NRP1: variants seen among roughly 807,000 people sequenced by gnomAD.
The protein encoded by NRP1 is neuropilin 1.
A neutral mutation model predicts 106.7 loss-of-function variants in NRP1; 35 were observed. The ratio of observed to expected loss-of-function variants is 0.33; its 90% CI spans 0.25 to 0.43. The LOEUF is 0.43. Among genes scored for constraint, NRP1 ranks in the 20% least tolerant of loss-of-function variants. The pLI is 1.00. For synonymous variants in NRP1, 437 were observed against 417.9 expected, an observed-to-expected ratio of 1.05 and a Z score of -0.56; for missense variants, 1,024 against 1,170.4, an observed-to-expected ratio of 0.87 and a Z score of 1.83.
intron 8 of NRP1, among the ~76,000 whole-genome samples, chr10:33,216,389 C>T (rs1357698908): frequency 1.3e-5 from 2 of 152,092 alleles, no homozygotes; most frequent in East Asian, 1.9e-4. Flanking sequence ...CTGCCTCGGC[C>T]TCCCAAAGTG....
intron 2 of NRP1, among the ~76,000 whole-genome samples, chr10:33,305,926 G>A (rs1040182476): frequency 4.6e-5 from 7 of 151,702 alleles, no homozygotes; most frequent in African/African-American, 1.5e-4. Context: ...ATACCACCAC[G>A]CCCGGCTAAT....
At chr10:33,208,880 T>C (rs1588726346) in intron 9 of NRP1, among the ~76,000 whole-genome samples, 2 of 149,480 alleles carry the variant, frequency 1.3e-5, no homozygotes, top group East Asian at 2.0e-4. Context: ...ACTGATAAAA[T>C]GGTCCATTTT....
intron 2 of NRP1, 64 bp downstream of exon 2, chr10:33,330,644 C>G (rs1392502338): frequency 1.4e-6 from 2 of 1,428,574 alleles, no homozygotes; most frequent in East Asian, 2.4e-5. Flanking sequence ...CGACTTCCCC[C>G]CCGTAGACAG....
chr10:33,268,229 C>A (rs958563669), intron 3 of NRP1, among the ~76,000 whole-genome samples: 2 of 152,032 alleles, frequency 1.3e-5, no homozygotes, highest in Non-Finnish European at 2.9e-5. Flanking sequence ...TTGAGCAGGA[C>A]CTCAATCTTG....
intron 5 of NRP1, among the ~76,000 whole-genome samples, chr10:33,255,074 T>C (rs1361895636): frequency 3.9e-5 from 6 of 152,158 alleles, no homozygotes; most frequent in African/African-American, 1.4e-4. Flanking sequence ...AAAAAAGCTT[T>C]AGAGATTAAA....
chr10:33,221,614 G>T, intron 8 of NRP1, 105 bp downstream of exon 8: 1 of 1,214,716 alleles, frequency 8.2e-7, no homozygotes, highest in Non-Finnish European at 1.2e-6. Context: ...AAATAAAAAT[G>T]ATTGCATTTA....
intron 6 of NRP1, among the ~76,000 whole-genome samples, chr10:33,246,091 CT>C (rs978056691): frequency 1.3e-5 from 2 of 149,822 alleles, no homozygotes; most frequent in African/African-American, 4.9e-5. Flanking sequence ...AATTAGTCAA[CT>C]TGACCAAAAT....
intron 12 of NRP1, 61 bp downstream of exon 12, chr10:33,197,589 C>G: frequency 1.5e-6 from 2 of 1,333,026 alleles, no homozygotes; most frequent in Non-Finnish European, 2.1e-6. Context: ...AAGCGAGGAG[C>G]GCAGCCGCGG....
intron 6 of NRP1, among the ~76,000 whole-genome samples, chr10:33,249,780 TC>T (rs1482328736): frequency 6.6e-6 from 1 of 152,182 alleles, no homozygotes; most frequent in Non-Finnish European, 1.5e-5. Flanking sequence ...CATTGGGACT[TC>T]CTTCACGCTC....
intron 1 of NRP1, among the ~76,000 whole-genome samples, chr10:33,331,123 C>CCCG (rs1848256050): frequency 6.6e-6 from 1 of 152,110 alleles, no homozygotes; most frequent in Non-Finnish European, 1.5e-5. Context: ...TCCCCCCAGC[C>CCCG]CCGAAGTTTC....
chr10:33,316,097 G>A (rs1011959541), intron 2 of NRP1, among the ~76,000 whole-genome samples: 14 of 152,176 alleles, frequency 9.2e-5, no homozygotes, highest in Non-Finnish European at 2.1e-4. Flanking sequence ...CCGAGGCAGG[G>A]AGGAAACGGG....
At chr10:33,321,631 G>A (rs945315835) in intron 2 of NRP1, among the ~76,000 whole-genome samples, 13 of 152,032 alleles carry the variant, frequency 8.6e-5, no homozygotes, top group East Asian at 1.9e-4. Context: ...TTTTGACCCC[G>A]TCTTAATTCT....
chr10:33,197,857 A>G (rs1171179450), intron 11 of NRP1, 148 bp from the exon 12 acceptor site: 1 of 440,594 alleles, frequency 2.3e-6, no homozygotes, highest in Non-Finnish European at 4.0e-6. Context: ...GTTTCCCTTC[A>G]ATTTTGCTCA....
At chr10:33,322,914 C>G (rs923607987) in intron 2 of NRP1, among the ~76,000 whole-genome samples, 1 of 152,180 alleles carries the variant, frequency 6.6e-6, no homozygotes, top group South Asian at 2.1e-4. Context: ...CCATGTGTGA[C>G]TTTGATCACA....
chr10:33,298,293 G>A (rs1034869424), intron 2 of NRP1, among the ~76,000 whole-genome samples: 3 of 152,170 alleles, frequency 2.0e-5, no homozygotes, highest in Admixed American at 6.5e-5. Context: ...CTGCCAGGGC[G>A]TAGAGAGTCT....
intron 1 of NRP1, among the ~76,000 whole-genome samples, chr10:33,332,727 G>C (rs1848370465): frequency 6.6e-6 from 1 of 152,190 alleles, no homozygotes; most frequent in African/African-American, 2.4e-5. Context: ...ACTCAGAGGA[G>C]GTGGACATGG....
At chr10:33,222,547 G>A (rs1020491612) in intron 7 of NRP1, among the ~76,000 whole-genome samples, 1 of 125,538 alleles carries the variant, frequency 8.0e-6, no homozygotes, top group Non-Finnish European at 1.8e-5. Context: ...TTAAGATGGA[G>A]TCTCGCTCTG....
intron 3 of NRP1, among the ~76,000 whole-genome samples, chr10:33,266,079 T>C (rs187904457): frequency 1.3e-5 from 2 of 152,276 alleles, no homozygotes; most frequent in East Asian, 3.9e-4. Context: ...TTTATTAGTA[T>C]CTGCATGAAA....
chr10:33,269,678 C>G (rs552045900), intron 3 of NRP1, among the ~76,000 whole-genome samples: 3 of 152,286 alleles, frequency 2.0e-5, no homozygotes, highest in Admixed American at 1.3e-4. Context: ...AAAGTGTTGT[C>G]TGTATTTACA....
Sources: gnomAD v4.1 joint callset for allele counts (sites outside exome capture counted in the v4.1 genomes callset) on GRCh38, gnomAD v4.1.1 for gene constraint, MANE v1.5 for transcripts, NCBI Gene and HGNC (gene_info 2026-07-23, HGNC 2026-07-21) for gene names.